The following PDK4 variants were observed in gnomAD, a reference collection of about 807,000 sequenced individuals.
The protein encoded by PDK4 is pyruvate dehydrogenase kinase, isozyme 4.
In PDK4, 43 loss-of-function variants were observed where a neutral mutation model predicts 51.7. The ratio of observed to expected loss-of-function variants is 0.83; its 90% CI spans 0.65 to 1.07. PDK4 has a LOEUF of 1.07. Among genes scored for constraint, PDK4 ranks in the 50% least tolerant of loss-of-function variants. The probability of loss-of-function intolerance (pLI) is 0.00; values close to 1 mark genes in which losing one functional copy is unlikely to be tolerated. For missense variants in PDK4, 498 were observed against 503.5 expected (o/e 0.99, Z 0.10); for synonymous variants, 170 against 176.6 (o/e 0.96, Z 0.30).
rs776885608 is a variant in PDK4 at position 95,592,062 on chromosome 7, G to C, written c.620C>G (p.Ala207Gly). ...NCDVVAVVQDAFECSRMLCDQ... is the reference protein window; with the variant it reads ...NCDVVAVVQDGFECSRMLCDQ... ...ACAGAGCATCCTTGAACACTCAAAGGCATCTGGAATAGAAGTTGTTTTTTA... is the reference window on the plus strand; with the variant it reads ...ACAGAGCATCCTTGAACACTCAAAGCCATCTGGAATAGAAGTTGTTTTTTA... The change falls in exon 6 of 11, where the codon GCC becomes GGC. Residue 207 changes from alanine to glycine, a missense_variant. Ala to Gly is a moderately conservative substitution (Grantham distance 60, BLOSUM62 0). Coordinates refer to ENST00000005178, the MANE Select transcript of PDK4 (RefSeq NM_002612.4). 1.3e-6 allele frequency: 2 copies of C among 1,567,384 alleles called. No homozygotes were observed. The highest frequency in any genetic ancestry group is 1.7e-6 in the Non-Finnish European group (2 of 1,154,434).
intron 1 of PDK4, among the ~76,000 whole-genome samples, 155 bp downstream of exon 1, chr7:95,596,009 A>G (rs564366108): frequency 3.3e-5 from 5 of 152,294 alleles, no homozygotes; most frequent in South Asian, 2.1e-4. Flanking sequence ...AAATCTAGGA[A>G]AAGGAAAGGT....
chr7:95,596,137 C>T (rs1456666945), intron 1 of PDK4, 27 bp downstream of exon 1: 2 of 1,589,856 alleles, frequency 1.3e-6, no homozygotes, highest in Admixed American at 3.5e-5. Flanking sequence ...CCCTAGGACC[C>T]AGCTTGGGCC....
Position 95,584,684 on chromosome 7 carries a change from A to G in PDK4, c.*957T>C, listed in dbSNP as rs1410634831. The G allele has an allele frequency of 6.6e-6, 1 of 152,208 alleles. No individual in the cohort carries two copies. Among genetic ancestry groups the G allele is most frequent in the Non-Finnish European group, 1.5e-5 (1 of 68,024 alleles). The allele number at this position is 152,208 out of a possible 1,614,324, so 9.4% of individuals were successfully genotyped here. ...TATATCTTTTAAGCCTAGAAAATGGATGCCTTTGGATTACCTTCATTTCAG... is the reference window on the plus strand; with the variant it reads ...TATATCTTTTAAGCCTAGAAAATGGGTGCCTTTGGATTACCTTCATTTCAG... On this transcript the variant is annotated 3_prime_UTR_variant, in exon 11 of 11. Coordinates refer to ENST00000005178, the MANE Select transcript of PDK4 (RefSeq NM_002612.4).
intron 7 of PDK4, among the ~76,000 whole-genome samples, chr7:95,588,239 T>C (rs1382016512): frequency 1.3e-5 from 2 of 152,210 alleles, no homozygotes; most frequent in Admixed American, 6.5e-5. Flanking sequence ...ATTTATTGGC[T>C]TTCATAAAAC....
Position 95,583,589 on chromosome 7 carries a change from A to T in PDK4, c.*2052T>A, listed in dbSNP as rs539884145. ...CAAAAACACAATGTATACATTAATA[A>T]TTTAAGTGGGCCTGAGTATTCAGTA... On this transcript the variant is annotated 3_prime_UTR_variant, in exon 11 of 11. Coordinates refer to ENST00000005178, the MANE Select transcript of PDK4 (RefSeq NM_002612.4). 3.3e-4 allele frequency: 50 copies of T among 152,524 alleles called. No individual in the cohort carries two copies. The highest frequency in any genetic ancestry group is 1.2e-3 in the African/African-American group (49 of 41,576). 9.4% of individuals were successfully genotyped at this position (152,524 alleles called of 1,614,324 possible).
At chr7:95,587,999 A>G (rs996099313) in intron 7 of PDK4, among the ~76,000 whole-genome samples, 174 bp from the exon 8 acceptor site, 2 of 152,194 alleles carry the variant, frequency 1.3e-5, no homozygotes, top group South Asian at 4.1e-4. Context: ...GTCATGTAGG[A>G]TGTATAATGA....
intron 6 of PDK4, among the ~76,000 whole-genome samples, chr7:95,590,187 A>G (rs555809105): frequency 2.0e-5 from 3 of 152,342 alleles, no homozygotes; most frequent in African/African-American, 7.2e-5. Context: ...GCACAATTTC[A>G]GAGTCAAAAT....
chr7:95,585,877 T>G, intron 10 of PDK4, 96 bp from the exon 11 acceptor site: 3 of 1,053,250 alleles, frequency 2.8e-6, no homozygotes, highest in Non-Finnish European at 4.1e-6. Context: ...CAGAGGTAAG[T>G]ATCCAAACAT....
chr7:95,596,336 G>A lies in PDK4; in HGVS notation c.-43C>T. 6.5e-7 allele frequency: 1 copy of A among 1,541,658 alleles called. No individual in the cohort carries two copies. The highest frequency in any genetic ancestry group is 2.6e-5 in the East Asian group (1 of 39,054). ...CTGGCGGGGACTGTGGCTGGCTTGA[G>A]GGGCGAAGGCTGCTCGGAGCAGAGC... On this transcript the variant is annotated 5_prime_UTR_variant, in exon 1 of 11. Transcript: ENST00000005178.
rs1584120687 is a variant in PDK4 at position 95,587,259 on chromosome 7, C to T, written c.982-136G>A. 6 of 711,272 alleles carry T rather than the reference C, an allele frequency of 8.4e-6. No individual in the cohort carries two copies. The East Asian group carries it at 1.3e-4, about 16-fold the overall frequency. The allele number at this position is 711,272 out of a possible 1,614,324, so 44.1% of individuals were successfully genotyped here. On this transcript the variant is annotated intron_variant, in intron 9 of 10. Transcript: ENST00000005178. Reference sequence around the variant, plus strand: ...ATCTTCTACTTCCAATCAGACATCCCTTGTTTCACCATTTTTAGCTTGCTT... The same window carrying T: ...ATCTTCTACTTCCAATCAGACATCCTTTGTTTCACCATTTTTAGCTTGCTT...
chr7:95,587,567 A>T, intron 8 of PDK4, 39 bp from the exon 9 acceptor site: 1 of 1,346,122 alleles, frequency 7.4e-7, no homozygotes, highest in Non-Finnish European at 1.1e-6. Flanking sequence ...CACACATTAA[A>T]AACAATGTGC....
chr7:95,593,283 T>C (rs1021988282), intron 3 of PDK4, among the ~76,000 whole-genome samples: 7 of 152,102 alleles, frequency 4.6e-5, no homozygotes, highest in Non-Finnish European at 1.0e-4. Flanking sequence ...AGAATGCCAT[T>C]GTGAAAAAAC....
Position 95,591,054 on chromosome 7 carries a change from C to T in PDK4, c.694+934G>A, listed in dbSNP as rs113710839. On this transcript the variant is annotated intron_variant, in intron 6 of 10. Coordinates refer to ENST00000005178, the MANE Select transcript of PDK4 (RefSeq NM_002612.4). ...CTGGTCTCAAGTGATCATCTCACCT[C>T]AGCCTCCTGAGCAGCTGGGACTACA... Among the ~76,000 whole-genome samples the T allele has an allele frequency of 2.8e-4, 43 of 152,282 alleles. 2 individuals are homozygous for T. Among genetic ancestry groups the T allele is most frequent in the African/African-American group, 1.0e-3 (42 of 41,554 alleles).
intron 2 of PDK4, 111 bp downstream of exon 2, chr7:95,594,912 T>C (rs1257773936): frequency 6.8e-6 from 4 of 589,500 alleles, no homozygotes; most frequent in Non-Finnish European, 1.1e-5. Context: ...CTTTCAAAAG[T>C]AGTTACCATT....
Position 95,589,693 on chromosome 7 carries a change from G to A in PDK4, c.718C>T (p.His240Tyr), listed in dbSNP as rs200374786. The change falls in exon 7 of 11, where the codon CAC becomes TAC. Residue 240 changes from histidine to tyrosine, a missense_variant. Physicochemically the swap from His to Tyr is moderately conservative, Grantham distance 83. Transcript: ENST00000005178. ...VNGKFPDQPI[H>Y]IVYVPSHLHH... ...AGGTGAGAAGGAACATACACGATGT[G>A]AATTGGTTGGTCTGGAAATTTTCCT... 4.3e-5 allele frequency: 68 copies of A among 1,584,948 alleles called. No homozygotes were observed. The South Asian group carries it at 7.2e-4, about 17-fold the overall frequency.
intron 7 of PDK4, among the ~76,000 whole-genome samples, chr7:95,589,294 G>C (rs1166711068): frequency 2.0e-5 from 3 of 152,126 alleles, no homozygotes; most frequent in Non-Finnish European, 2.9e-5. Context: ...GAGGTAACAA[G>C]GCCTCATTCA....
rs746053199 is a variant in PDK4 at position 95,593,727 on chromosome 7, T to G, written c.316A>C (p.Ser106Arg). ...GATAATGCTTTCTGGTCATCTGGGC[T>G]TTTCTCATGGAATTCCACCAAATCC... ...LMDLVEFHEK[S>R]PDDQKALSDF... Residue 106 changes from serine to arginine, a missense_variant, in exon 3 of 11, where the codon AGC (serine) becomes CGC (arginine). By Grantham distance (110) the Ser-to-Arg change is moderately radical (BLOSUM62 -1). Transcript: ENST00000005178. 1.3e-6 allele frequency: 2 copies of G among 1,563,474 alleles called. No homozygotes were observed. Among genetic ancestry groups the G allele is most frequent in the Non-Finnish European group, 1.8e-6 (2 of 1,134,094 alleles).
chr7:95,595,549 G>A (rs574759565), intron 1 of PDK4, among the ~76,000 whole-genome samples: 3 of 152,248 alleles, frequency 2.0e-5, no homozygotes, highest in Non-Finnish European at 2.9e-5. Context: ...GGAGTTGGGG[G>A]ATAAGAGGCT....
chr7:95,585,768 T>C lies in PDK4; in HGVS notation c.1109A>G (p.Glu370Gly). The stretch of plus-strand genomic sequence containing the variant: ...AAAAACTGGAAGTTTTTCTATAGAC[T>C]CAGAAGACAAAGCCTAAAAGAAAAG... ...AIIYLKALSS[E>G]SIEKLPVFNK... Residue 370 changes from glutamate (E) to glycine (G), a missense_variant, in exon 11 of 11, where the codon GAG (glutamate) becomes GGG (glycine). Coordinates refer to ENST00000005178, the MANE Select transcript of PDK4 (RefSeq NM_002612.4). 1 of 1,591,900 alleles carries C rather than the reference T, an allele frequency of 6.3e-7. No homozygotes were observed. Among genetic ancestry groups the C allele is most frequent in the Non-Finnish European group, 8.6e-7 (1 of 1,163,452 alleles).
Sources: gnomAD v4.1 joint callset for allele counts (sites outside exome capture counted in the v4.1 genomes callset) on GRCh38, gnomAD v4.1.1 for gene constraint, MANE v1.5 for transcripts, NCBI Gene and HGNC (gene_info 2026-07-23, HGNC 2026-07-21) for gene names.